KLF8: variants seen among roughly 807,000 people sequenced by gnomAD.
KLF8 encodes the protein Krueppel-like factor 8.
In KLF8, 10 loss-of-function variants were observed where a neutral mutation model predicts 18.2. The ratio of observed to expected loss-of-function variants is 0.55; its 90% confidence interval spans 0.34 to 0.93. KLF8 has a LOEUF of 0.93. Among genes scored for constraint, KLF8 ranks in the 40% least tolerant of loss-of-function variants. The probability of loss-of-function intolerance (pLI) is 0.02; values close to 1 mark genes in which losing one functional copy is unlikely to be tolerated. For missense variants in KLF8, 264 were observed against 277.9 expected, an observed-to-expected ratio of 0.95 and a Z score of 0.36; for synonymous variants, 109 against 97.3, an observed-to-expected ratio of 1.12 and a Z score of -0.71.
the KLF8 span, among the ~76,000 whole-genome samples, chrX:55,995,274 G>A: frequency 8.9e-6 from 1 of 112,407 alleles, no homozygotes; most frequent in East Asian, 2.8e-4. Context: ...TTGAGTCTAT[G>A]TGTGTCATTG....
chrX:56,100,145 A>G, the KLF8 span, among the ~76,000 whole-genome samples: 3 of 111,244 alleles, frequency 2.7e-5, no homozygotes, highest in Non-Finnish European at 5.7e-5. Flanking sequence ...CTCATTCACC[A>G]TTCCGAGAAC....
the KLF8 span, among the ~76,000 whole-genome samples, chrX:56,153,727 C>T: frequency 9.0e-6 from 1 of 111,310 alleles, no homozygotes; most frequent in South Asian, 3.8e-4. Context: ...GCAACTTCAG[C>T]GAAGTCTCAG....
chrX:56,217,123 C>T, the KLF8 span, among the ~76,000 whole-genome samples: 1 of 112,032 alleles, frequency 8.9e-6, no homozygotes. Context: ...GACTGTTTTA[C>T]AGAGTTAGTG....
chrX:56,155,603 A>T, the KLF8 span, among the ~76,000 whole-genome samples: 1 of 111,972 alleles, frequency 8.9e-6, no homozygotes, highest in African/African-American at 3.2e-5. Context: ...TTAAAGTATA[A>T]TAAAAATAAA....
chrX:56,050,168 A>G, the KLF8 span, among the ~76,000 whole-genome samples: 3 of 109,098 alleles, frequency 2.7e-5, no homozygotes, highest in African/African-American at 1.0e-4. Flanking sequence ...TTTCTTCTTT[A>G]TTAGTCTTGC....
At chrX:56,023,156 T>C in the KLF8 span, among the ~76,000 whole-genome samples, 1 of 111,666 alleles carries the variant, frequency 9.0e-6, no homozygotes, top group East Asian at 2.8e-4. Context: ...GTTTTGTATA[T>C]TATTTAATTT....
the KLF8 span, among the ~76,000 whole-genome samples, chrX:55,996,427 A>G: frequency 8.9e-6 from 1 of 112,007 alleles, no homozygotes; most frequent in South Asian, 3.7e-4. Context: ...TTTGGAGGTA[A>G]ACAAACACTG....
At chrX:55,948,910 G>C in the KLF8 span, among the ~76,000 whole-genome samples, 2 of 111,957 alleles carry the variant, frequency 1.8e-5, no homozygotes, top group Non-Finnish European at 3.8e-5. Context: ...CACTCCACAG[G>C]CATTATCTGT....
At chrX:56,075,382 T>A in the KLF8 span, among the ~76,000 whole-genome samples, 8 of 110,953 alleles carry the variant, frequency 7.2e-5, no homozygotes, top group East Asian at 2.2e-3. Context: ...TATTTTTAAT[T>A]TTTCTGAGTA....
chrX:56,031,383 G>A, the KLF8 span, among the ~76,000 whole-genome samples: 53 of 112,368 alleles, frequency 4.7e-4, no homozygotes, highest in African/African-American at 1.7e-3. Context: ...TGCCGATACA[G>A]GCATGCTGTG....
At chrX:56,146,067 T>C in the KLF8 span, among the ~76,000 whole-genome samples, 2 of 112,042 alleles carry the variant, frequency 1.8e-5, no homozygotes, top group Non-Finnish European at 3.8e-5. Context: ...AAACAACAGA[T>C]GCTGGAGAGG....
At chrX:55,912,900 C>T in the KLF8 span, among the ~76,000 whole-genome samples, 1 of 111,621 alleles carries the variant, frequency 9.0e-6, no homozygotes, top group Non-Finnish European at 1.9e-5. Flanking sequence ...AGTTAAGGAA[C>T]TTGGGGCACA....
the KLF8 span, among the ~76,000 whole-genome samples, chrX:56,074,080 G>T: frequency 9.0e-6 from 1 of 111,010 alleles, no homozygotes; most frequent in African/African-American, 3.3e-5. Context: ...GAACTTTTTG[G>T]CCATTTTTAT....
At chrX:56,272,305 G>A (rs183614354) in intron 5 of KLF8, among the ~76,000 whole-genome samples, 1 of 110,709 alleles carries the variant, frequency 9.0e-6, no homozygotes, top group African/African-American at 3.3e-5. Context: ...CTGCCTCCTG[G>A]GTTCAAGCGA....
intron 1 of KLF8, among the ~76,000 whole-genome samples, chrX:56,246,255 ATCTT>A (rs2066621517): frequency 8.9e-6 from 1 of 112,060 alleles, no homozygotes; most frequent in Admixed American, 9.5e-5. Context: ...ATATGGCTCT[ATCTT>A]TCCTCATTTC....
the KLF8 span, among the ~76,000 whole-genome samples, chrX:55,986,285 G>T: frequency 1.8e-5 from 2 of 111,693 alleles, no homozygotes; most frequent in Non-Finnish European, 3.8e-5. Context: ...GTCATAAATG[G>T]CTCTTATAAA....
the KLF8 span, among the ~76,000 whole-genome samples, chrX:56,054,526 T>C: frequency 0.014 from 1,525 of 112,079 alleles, 21 homozygotes; most frequent in Admixed American, 0.022. Flanking sequence ...GATTTTAGAG[T>C]ATTTGTCATG....
the KLF8 span, among the ~76,000 whole-genome samples, chrX:55,937,550 A>G: frequency 8.9e-6 from 1 of 112,431 alleles, no homozygotes; most frequent in East Asian, 2.8e-4. Flanking sequence ...TTGAGAGAAG[A>G]AGGCTTCAGA....
chrX:56,135,591 C>A, the KLF8 span, among the ~76,000 whole-genome samples: 1 of 110,313 alleles, frequency 9.1e-6, no homozygotes, highest in Admixed American at 9.7e-5. Context: ...AGGAGATATA[C>A]CTAATGCTAA....
Sources: gnomAD v4.1 joint callset for allele counts (sites outside exome capture counted in the v4.1 genomes callset) on GRCh38, gnomAD v4.1.1 for gene constraint, MANE v1.5 for transcripts, NCBI Gene and HGNC (gene_info 2026-07-23, HGNC 2026-07-21) for gene names.